PNN: variants seen among roughly 807,000 people sequenced by gnomAD.
PNN encodes pinin.
Under a neutral mutation model 76.6 loss-of-function variants are expected in PNN, and 38 were observed. That is an observed-to-expected ratio of 0.50 (90% CI 0.38 to 0.65). The LOEUF is 0.65. PNN is among the 30% of genes least tolerant of loss of function. The pLI, the probability that PNN is intolerant of heterozygous loss-of-function variation, is 0.00. For missense variants in PNN, 873 were observed against 874.1 expected, an observed-to-expected ratio of 1.00 and a Z score of 0.02; for synonymous variants, 366 against 283.7, an observed-to-expected ratio of 1.29 and a Z score of -2.91.
In PNN at chr14:39,178,745, A is replaced by T. The variant is rs1233389084; in HGVS notation, c.499-346A>T. ...TAGTGAAAAAAAAAAAAAAAAAAAA[A>T]ATTTTTTTTGAGATGGAGTTTGGCT... On this transcript the variant is annotated intron_variant, in intron 6 of 8. Coordinates refer to ENST00000216832, the MANE Select transcript of PNN (RefSeq NM_002687.4). Among the ~76,000 whole-genome samples the T allele has an allele frequency of 5.6e-5, 8 of 141,988 alleles. No individual in the cohort carries two copies. The East Asian group carries it at 5.9e-4, about 10-fold the overall frequency. 93.1% of individuals were successfully genotyped at this position (141,988 alleles called of 152,430 possible).
chr14:39,176,720 C>G, intron 3 of PNN, 125 bp downstream of exon 3: 1 of 660,948 alleles, frequency 1.5e-6, no homozygotes, highest in East Asian at 2.8e-5. Context: ...ACTCCCTGCC[C>G]CCCCCAAGTT....
Position 39,183,196 on chromosome 14 carries a change from T to C in PNN, c.*1333T>C, listed in dbSNP as rs2053281583. ...CTTTTTAAAAATCCTTTTATTGGAG[T>C]AATTATTAAAACAGTAAATGCATAG... On this transcript the variant is annotated 3_prime_UTR_variant, in exon 9 of 9. Coordinates refer to ENST00000216832, the MANE Select transcript of PNN (RefSeq NM_002687.4). 1 of 152,144 alleles carries C rather than the reference T, an allele frequency of 6.6e-6. No homozygotes were observed. Among genetic ancestry groups the C allele is most frequent in the African/African-American group, 2.4e-5 (1 of 41,410 alleles). 9.4% of individuals were successfully genotyped at this position (152,144 alleles called of 1,614,324 possible).
chr14:39,175,524 T>G (rs1266423753), intron 1 of PNN, 132 bp downstream of exon 1: 3 of 676,788 alleles, frequency 4.4e-6, no homozygotes, highest in Non-Finnish European at 7.9e-6. Context: ...GGGCGGCGGG[T>G]AAAACCCTGT....
At chr14:39,175,459 G>A in intron 1 of PNN, 67 bp downstream of exon 1, 1 of 952,964 alleles carries the variant, frequency 1.0e-6, no homozygotes, top group Non-Finnish European at 1.7e-6. Context: ...GGGTGAATTG[G>A]GGGCGGGGAG....
intron 3 of PNN, among the ~76,000 whole-genome samples, chr14:39,176,833 A>T (rs951792973): frequency 1.3e-5 from 2 of 152,226 alleles, no homozygotes; most frequent in African/African-American, 4.8e-5. Context: ...TGTGAAGAGT[A>T]AAATTGGAAA....
In PNN at chr14:39,182,121, ATCT is replaced by A; in HGVS notation, c.*260_*262del. ...TAAAAAAAGATTAACATCCCTTGTC[ATCT>A]TTTTTAAATATCCTATACTCTTCAG... On this transcript the variant is annotated 3_prime_UTR_variant, in exon 9 of 9. Transcript: ENST00000216832. 1 of 350,076 alleles carries A rather than the reference ATCT, an allele frequency of 2.9e-6. No homozygotes were observed. Among genetic ancestry groups the A allele is most frequent in the South Asian group, 4.1e-5 (1 of 24,166 alleles). The allele number at this position is 350,076 out of a possible 1,614,324, so 21.7% of individuals were successfully genotyped here. A position where few individuals can be genotyped will look rare whatever the true frequency, so the allele number is the denominator to read the frequency against.
In PNN at chr14:39,181,563, C is replaced by T; in HGVS notation, c.1854C>T (p.Ser618=). 1 of 1,611,818 alleles carries T rather than the reference C, an allele frequency of 6.2e-7. No homozygotes were observed. Among genetic ancestry groups the T allele is most frequent in the South Asian group, 1.1e-5 (1 of 90,932 alleles). The stretch of plus-strand genomic sequence containing the variant: ...GCTCCAGTACAAGTGGCAGCAGCAG[C>T]AGAGATAGTAGCAGTAGCACTAGTA... ...SSSSSTSGSS[S]RDSSSSTSSS... Residue 618 remains serine, a synonymous_variant, in exon 9 of 9, where the codon AGC becomes AGT. Transcript: ENST00000216832.
intron 1 of PNN, 144 bp downstream of exon 1, chr14:39,175,536 G>C (rs1001138235): frequency 1.5e-6 from 1 of 665,970 alleles, no homozygotes; most frequent in Non-Finnish European, 2.7e-6. Flanking sequence ...AAACCCTGTT[G>C]TCGCCGAGGT....
Position 39,182,205 on chromosome 14 carries a change from G to T in PNN, c.*342G>T. 1 of 173,998 alleles carries T rather than the reference G, an allele frequency of 5.7e-6. No individual in the cohort carries two copies. The highest frequency in any genetic ancestry group is 1.2e-5 in the Non-Finnish European group (1 of 81,158). 10.8% of individuals were successfully genotyped at this position (173,998 alleles called of 1,614,324 possible). The stretch of plus-strand genomic sequence containing the variant: ...TTTAAGTCTGTTCCCTTCTAATTCT[G>T]TATCATACATTGCTTTTGTAGAAAT... On this transcript the variant is annotated 3_prime_UTR_variant, in exon 9 of 9. Coordinates refer to ENST00000216832, the MANE Select transcript of PNN (RefSeq NM_002687.4).
rs1334467968 is a variant in PNN at position 39,181,767 on chromosome 14, C to T, written c.2058C>T (p.Asp686=). The T allele has an allele frequency of 8.1e-6, 13 of 1,613,924 alleles. No homozygotes were observed. The highest frequency in any genetic ancestry group is 1.1e-5 in the Non-Finnish European group (13 of 1,179,976). ...KGSKDKNSRS[D]RKRSISESSR... ...CAAAGGATAAGAATTCCCGGTCCGA[C>T]AGAAAGAGGTCTATATCAGAGAGTA... Residue 686 remains aspartate, a synonymous_variant, in exon 9 of 9, where the codon GAC becomes GAT. Coordinates refer to ENST00000216832, the MANE Select transcript of PNN (RefSeq NM_002687.4).
chr14:39,175,937 T>A (rs186106186), intron 1 of PNN, 141 bp from the exon 2 acceptor site: 27 of 617,506 alleles, frequency 4.4e-5, no homozygotes, highest in Non-Finnish European at 7.6e-5. Context: ...CTGTCCTGTT[T>A]CAGACATTTA....
At chr14:39,175,839 C>T (rs760371275) in intron 1 of PNN, 5 of 520,680 alleles carry the variant, frequency 9.6e-6, no homozygotes, top group Non-Finnish European at 1.4e-5. Flanking sequence ...CTGATCCAGG[C>T]TTGTTAATGT....
Position 39,176,605 on chromosome 14 carries a change from A to T in PNN, c.254+10A>T. ...AAGGGGCAGTCAGTAGGTAGGTTTA[A>T]AAAAAGATTCCTGAAGGCTTCTTTA... On this transcript the variant is annotated intron_variant, in intron 3 of 8. Coordinates refer to ENST00000216832, the MANE Select transcript of PNN (RefSeq NM_002687.4). 1 of 1,556,886 alleles carries T rather than the reference A, an allele frequency of 6.4e-7. No homozygotes were observed. The highest frequency in any genetic ancestry group is 8.8e-7 in the Non-Finnish European group (1 of 1,137,964).
At chr14:39,177,505 TA>T in intron 4 of PNN, 21 bp downstream of exon 4, 1 of 1,604,628 alleles carries the variant, frequency 6.2e-7, no homozygotes, top group South Asian at 1.1e-5. Flanking sequence ...TGAAAGAACT[TA>T]AATGAATGTA....
At position 39,181,424 on chromosome 14, in the gene PNN, A is replaced by C; in HGVS notation, c.1715A>C (p.Lys572Thr). ...SRGRARNKTSKSRSRSSSSSS... is the reference protein window; with the variant it reads ...SRGRARNKTSTSRSRSSSSSS... ...GGTCGAGCTAGAAATAAAACAAGCA[A>C]GAGTAGAAGTCGAAGCAGTAGCAGT... Residue 572 changes from lysine to threonine, a missense_variant, in exon 9 of 9, where the codon AAG (lysine) becomes ACG (threonine). Coordinates refer to ENST00000216832, the MANE Select transcript of PNN (RefSeq NM_002687.4). 6.2e-7 allele frequency: 1 copy of C among 1,614,232 alleles called. No homozygotes were observed. Among genetic ancestry groups the C allele is most frequent in the Non-Finnish European group, 8.5e-7 (1 of 1,180,036 alleles).
Position 39,181,358 on chromosome 14 carries a change from C to G in PNN, c.1649C>G (p.Pro550Arg). Reference protein sequence around the residue: ...VPVEPVLTVHPESKSKTKTRS... With the variant: ...VPVEPVLTVHRESKSKTKTRS... ...GTAGAGCCAGTCTTGACAGTACATC[C>G]AGAGAGCAAGAGCAAAACCAAAACT... Residue 550 changes from proline to arginine, a missense_variant, in exon 9 of 9, where the codon CCA becomes CGA. Around this residue, in one of 3 missense-constraint regions of PNN, gnomAD observed 712 missense variants for 693.1 expected, o/e 1.03. Transcript: ENST00000216832. 1 of 1,614,178 alleles carries G rather than the reference C, an allele frequency of 6.2e-7. No homozygotes were observed. Among genetic ancestry groups the G allele is most frequent in the Non-Finnish European group, 8.5e-7 (1 of 1,180,026 alleles).
In PNN at chr14:39,175,267, C is replaced by A. The variant is rs761611567; in HGVS notation, c.-13C>A. 7.8e-6 allele frequency: 12 copies of A among 1,547,552 alleles called. No individual in the cohort carries two copies. The highest frequency in any genetic ancestry group is 2.3e-5 in the East Asian group (1 of 43,798). Reference sequence around the variant, plus strand: ...GGCCTGTAAAGCAGTCTCAAGCCTGCCGCAGGGAGAAGATGGCGGTCGCCG... The same window carrying A: ...GGCCTGTAAAGCAGTCTCAAGCCTGACGCAGGGAGAAGATGGCGGTCGCCG... On this transcript the variant is annotated 5_prime_UTR_variant, in exon 1 of 9. Coordinates refer to ENST00000216832, the MANE Select transcript of PNN (RefSeq NM_002687.4).
At position 39,181,948 on chromosome 14, in the gene PNN, G is replaced by A; in HGVS notation, c.*85G>A. On this transcript the variant is annotated 3_prime_UTR_variant, in exon 9 of 9. Coordinates refer to ENST00000216832, the MANE Select transcript of PNN (RefSeq NM_002687.4). ...GATTACCTTTCCTTGTAAAGAGGAT[G>A]CTGCCTTAAGAATTGCATGTTGTAA... 1 of 1,352,318 alleles carries A rather than the reference G, an allele frequency of 7.4e-7. No homozygotes were observed. The allele number at this position is 1,352,318 out of a possible 1,614,324, so 83.8% of individuals were successfully genotyped here. A position where few individuals can be genotyped will look rare whatever the true frequency, so the allele number is the denominator to read the frequency against.
intron 7 of PNN, 29 bp from the exon 8 acceptor site, chr14:39,179,295 A>C: frequency 6.2e-7 from 1 of 1,607,708 alleles, no homozygotes; most frequent in Non-Finnish European, 8.5e-7. Flanking sequence ...TGTGTTTACA[A>C]AAGCACTGAC....
Sources: allele counts gnomAD v4.1 joint callset (sites outside exome capture counted in the v4.1 genomes callset), GRCh38; gene constraint gnomAD v4.1.1; regional missense constraint gnomAD v4.1.1; transcripts MANE v1.5; gene names NCBI Gene and HGNC (gene_info 2026-07-23, HGNC 2026-07-21).